Variants in ETFB observed in about 807,000 individuals in gnomAD.
ETFB encodes beta-ETF.
ETFB carries 20 observed loss-of-function variants against 25.6 expected under a neutral mutation model. That is an observed-to-expected ratio of 0.78 (90% CI 0.55 to 1.14). The LOEUF (loss-of-function observed/expected upper bound fraction) is 1.14, where lower values mean the gene tolerates loss of function less well. Ranked by LOEUF, ETFB falls within the 50% of genes most tolerant of loss-of-function variation. ETFB has a pLI of 0.00. For synonymous variants in ETFB, 142 were observed against 146.7 expected, an observed-to-expected ratio of 0.97 and a Z score of 0.23; for missense variants, 286 against 342.6, an observed-to-expected ratio of 0.83 and a Z score of 1.30.
Position 51,354,203 on chromosome 19 carries a change from T to A in ETFB, c.163A>T (p.Lys55Ter). ...GCGATGACCTCCTTCACCAGCTTCTTCTCCTTGAGCCGCACAGCCTCCTCC... is the reference window on the plus strand; with the variant it reads ...GCGATGACCTCCTTCACCAGCTTCTACTCCTTGAGCCGCACAGCCTCCTCC... The part of the protein sequence containing the change: ...AVEEAVRLKE[K>*]KLVKEVIAVS... Residue 55 changes from lysine (K) to a stop codon, truncating the protein, a stop_gained, in exon 2 of 6, where the codon AAG (lysine) becomes TAG (stop). Coordinates refer to ENST00000309244, the MANE Select transcript of ETFB (RefSeq NM_001985.3). LOFTEE classifies it high-confidence loss of function. 2 of 1,613,992 alleles carry A rather than the reference T, an allele frequency of 1.2e-6. No homozygotes were observed. Among genetic ancestry groups the A allele is most frequent in the Non-Finnish European group, 1.7e-6 (2 of 1,180,016 alleles).
At chr19:51,346,129 T>C (rs59498434) in intron 5 of ETFB, 397 of 51,734 alleles carry the variant, frequency 7.7e-3, no homozygotes, top group Admixed American at 9.8e-3. Context: ...TCCCTATAGG[T>C]TGAGATGATG....
At chr19:51,350,988 C>T (rs1415104020) in intron 3 of ETFB, among the ~76,000 whole-genome samples, 1 of 152,354 alleles carries the variant, frequency 6.6e-6, no homozygotes, top group Middle Eastern at 3.4e-3. Flanking sequence ...TGGTCTAGAA[C>T]GATCCCCTCA....
At chr19:51,352,575 C>T (rs965514621) in intron 3 of ETFB, among the ~76,000 whole-genome samples, 34 of 152,142 alleles carry the variant, frequency 2.2e-4, no homozygotes, top group African/African-American at 7.7e-4. Context: ...ACCATCACCT[C>T]GGCCTCCCAG....
chr19:51,361,345 G>A (rs956291916), intron 1 of ETFB, among the ~76,000 whole-genome samples: 12 of 152,146 alleles, frequency 7.9e-5, no homozygotes, highest in Non-Finnish European at 1.3e-4. Flanking sequence ...CCCTGGGCAC[G>A]TGCTAGGGCA....
At position 51,345,396 on chromosome 19, in the gene ETFB, C is replaced by T. The variant is rs1228741067; in HGVS notation, c.598-15G>A. The T allele has an allele frequency of 3.7e-6, 6 of 1,613,834 alleles. No homozygotes were observed. Among genetic ancestry groups the T allele is most frequent in the Non-Finnish European group, 5.1e-6 (6 of 1,179,912 alleles). On this transcript the variant is annotated splice_polypyrimidine_tract_variant and intron_variant, in intron 5 of 5. Transcript: ENST00000309244. The stretch of plus-strand genomic sequence containing the variant: ...TTCTTGGCTTTCTGCACATGGGAAG[C>T]CATTGTTCACAGGGCTGTGGAACTC...
At chr19:51,347,140 T>A in intron 4 of ETFB, 82 bp from the exon 5 acceptor site, 2 of 1,388,390 alleles carry the variant, frequency 1.4e-6, no homozygotes, top group Non-Finnish European at 2.0e-6. Context: ...CACTACTGAG[T>A]ACACGCATGG....
At position 51,346,998 on chromosome 19, in the gene ETFB, C is replaced by G. The variant is rs140614695; in HGVS notation, c.499G>C (p.Asp167His). 1.1e-5 allele frequency: 18 copies of G among 1,612,310 alleles called. No individual in the cohort carries two copies. The highest frequency in any genetic ancestry group is 1.5e-5 in the Non-Finnish European group (18 of 1,179,404). ...GDKLKVEREI[D>H]GGLETLRLKL... ...AGGCGCAGGGTCTCCAGGCCCCCATCGATCTCCCGCTCCACTTTCAACTTG... is the reference window on the plus strand; with the variant it reads ...AGGCGCAGGGTCTCCAGGCCCCCATGGATCTCCCGCTCCACTTTCAACTTG... Residue 167 changes from aspartate (D) to histidine (H), a missense_variant, in exon 5 of 6, where the codon GAT becomes CAT. Coordinates refer to ENST00000309244, the MANE Select transcript of ETFB (RefSeq NM_001985.3).
intron 4 of ETFB, chr19:51,350,045 T>C: frequency 2.4e-6 from 1 of 417,172 alleles, no homozygotes; most frequent in East Asian, 5.1e-5. Flanking sequence ...TCACCATGCC[T>C]GGCCCCAGCC....
At chr19:51,361,966 G>A (rs994712558) in intron 1 of ETFB, among the ~76,000 whole-genome samples, 2 of 151,878 alleles carry the variant, frequency 1.3e-5, no homozygotes, top group Non-Finnish European at 2.9e-5. Context: ...GCCTCCCAAA[G>A]TGTGTGTTTA....
At chr19:51,358,427 G>A (rs1986135445) in intron 1 of ETFB, among the ~76,000 whole-genome samples, 1 of 152,162 alleles carries the variant, frequency 6.6e-6, no homozygotes, top group Admixed American at 6.5e-5. Context: ...AGAAATTTGG[G>A]AGGCCAAGGT....
chr19:51,353,725 A>G (rs1016507292), intron 2 of ETFB, among the ~76,000 whole-genome samples: 1 of 137,628 alleles, frequency 7.3e-6, no homozygotes, highest in Admixed American at 7.0e-5. Context: ...CCAGGCTATC[A>G]GCCCATCCTC....
chr19:51,353,076 C>T, intron 3 of ETFB, 56 bp downstream of exon 3: 1 of 1,608,958 alleles, frequency 6.2e-7, no homozygotes, highest in South Asian at 1.1e-5. Flanking sequence ...ATCTCCACCA[C>T]CCTCCTCCCG....
At chr19:51,355,729 T>G (rs1314111088) in intron 1 of ETFB, 1 of 152,026 alleles carries the variant, frequency 6.6e-6, no homozygotes, top group Non-Finnish European at 1.5e-5. Flanking sequence ...TAAGAAAATG[T>G]GGCACATATA....
intron 1 of ETFB, among the ~76,000 whole-genome samples, chr19:51,364,860 G>A (rs558498387): frequency 4.0e-4 from 61 of 152,248 alleles, no homozygotes; most frequent in African/African-American, 1.4e-3. Context: ...GATCTGACAG[G>A]CCTCAGTTTC....
intron 1 of ETFB, among the ~76,000 whole-genome samples, chr19:51,358,918 G>A (rs1203098871): frequency 6.6e-6 from 1 of 151,858 alleles, no homozygotes; most frequent in Non-Finnish European, 1.5e-5. Context: ...AGGATCACCT[G>A]AGCCCAGGAG....
chr19:51,359,366 TA>T (rs905199275), intron 1 of ETFB, among the ~76,000 whole-genome samples: 10 of 144,942 alleles, frequency 6.9e-5, no homozygotes, highest in Admixed American at 1.4e-4. Flanking sequence ...CCTTTTTTCT[TA>T]AAAAAAAAAA....
chr19:51,352,255 C>A (rs558162435), intron 3 of ETFB, among the ~76,000 whole-genome samples: 1 of 152,232 alleles, frequency 6.6e-6, no homozygotes, highest in African/African-American at 2.4e-5. Flanking sequence ...CTGATCCCAC[C>A]CCTCTTCTGC....
chr19:51,365,528 A>C (rs972746592), intron 1 of ETFB: 1 of 153,222 alleles, frequency 6.5e-6, no homozygotes, highest in Non-Finnish European at 1.5e-5. Flanking sequence ...ACAGACAGTC[A>C]CCATCTTCAG....
intron 1 of ETFB, among the ~76,000 whole-genome samples, chr19:51,357,307 CAG>C: frequency 6.6e-6 from 1 of 150,888 alleles, no homozygotes; most frequent in East Asian, 2.0e-4. Flanking sequence ...CTCCTGACCT[CAG>C]GTGATCTGCT....
Sources: gnomAD v4.1 joint callset for allele counts (sites outside exome capture counted in the v4.1 genomes callset) on GRCh38, gnomAD v4.1.1 for gene constraint, MANE v1.5 for transcripts, NCBI Gene and HGNC (gene_info 2026-07-23, HGNC 2026-07-21) for gene names.